Variants in MYH9 observed in about 807,000 individuals in gnomAD.
The protein encoded by MYH9 is myosin heavy chain 9.
Under a neutral mutation model 241.9 loss-of-function variants are expected in MYH9, and 29 were observed. The ratio of observed to expected loss-of-function variants is 0.12; its 90% CI spans 0.09 to 0.16. The LOEUF (loss-of-function observed/expected upper bound fraction) is 0.16, where lower values mean the gene tolerates loss of function less well. Among genes scored for constraint, MYH9 ranks in the 10% least tolerant of loss-of-function variants. The pLI is 1.00. For missense variants in MYH9, 1,803 were observed against 2,595.5 expected (o/e 0.69, Z 6.63); for synonymous variants, 1,047 against 1,062.6 (o/e 0.99, Z 0.29).
chr22:36,383,097 T>G (rs571890090), intron 1 of MYH9, among the ~76,000 whole-genome samples: 113 of 151,892 alleles, frequency 7.4e-4, no homozygotes, highest in African/African-American at 2.7e-3. Flanking sequence ...AGTGTGCACT[T>G]GTAATCCTGG....
At chr22:36,323,380 A>T (rs1313925339) in intron 5 of MYH9, among the ~76,000 whole-genome samples, 1 of 152,244 alleles carries the variant, frequency 6.6e-6, no homozygotes, top group Non-Finnish European at 1.5e-5. Flanking sequence ...CAACAGGCCC[A>T]TGCCACCAGG....
Position 36,288,244 on chromosome 22 carries a change from A to C in MYH9, c.4932+8T>G, listed in dbSNP as rs1433500310. 1 of 1,612,220 alleles carries C rather than the reference A, an allele frequency of 6.2e-7. No individual in the cohort carries two copies. The highest frequency in any genetic ancestry group is 1.1e-5 in the South Asian group (1 of 91,042). On this transcript the variant is annotated splice_region_variant and intron_variant, in intron 34 of 40. Coordinates refer to ENST00000216181, the MANE Select transcript of MYH9 (RefSeq NM_002473.6). The surrounding 1 kb of genome is among the most constrained non-coding windows in gnomAD (Gnocchi z 4.8). ...GCCCACCCTCACCTGGGCCCCGCCC[A>C]CCCTTACCTGCAGCTTCCGCAGCTG...
At chr22:36,383,179 TACTGC>T (rs930412731) in intron 1 of MYH9, among the ~76,000 whole-genome samples, 1 of 151,880 alleles carries the variant, frequency 6.6e-6, no homozygotes, top group African/African-American at 2.4e-5. Context: ...ATGATCATGC[TACTGC>T]ACTATAGCCT....
intron 35 of MYH9, 73 bp downstream of exon 35, chr22:36,286,645 C>T (rs561110011): frequency 1.3e-5 from 21 of 1,600,398 alleles, no homozygotes; most frequent in Admixed American, 1.7e-5. Context: ...GCCCTGTCCT[C>T]AGCTGAAAGC....
chr22:36,357,311 G>A (rs144951284), intron 1 of MYH9, among the ~76,000 whole-genome samples: 23 of 152,282 alleles, frequency 1.5e-4, no homozygotes, highest in African/African-American at 4.6e-4. Flanking sequence ...AAGGTATCCC[G>A]GGCCGAGGGA....
intron 1 of MYH9, among the ~76,000 whole-genome samples, chr22:36,354,711 T>C (rs2017824287): frequency 6.6e-6 from 1 of 152,042 alleles, no homozygotes; most frequent in Non-Finnish European, 1.5e-5. Context: ...CCCAAAGTGC[T>C]GGGCTTACAG....
At chr22:36,319,696 G>T in intron 9 of MYH9, 61 bp from the exon 10 acceptor site, 1 of 1,513,296 alleles carries the variant, frequency 6.6e-7, no homozygotes, top group East Asian at 2.3e-5. Context: ...TCCCGGGGGT[G>T]GGGGCCACTC....
rs762211753 is a variant in MYH9 at position 36,326,655 on chromosome 22, T to C, written c.525A>G (p.Glu175=). The change falls in exon 5 of 41, where the codon GAA becomes GAG. Residue 175 remains glutamate, a synonymous_variant. Transcript: ENST00000216181. ...TGTTCTCCGTCTTGCCAGCTCCAGA[T>C]TCACCACTACCAAGAGAGGCAAGGA... ...REDQSILCTG[E]SGAGKTENTK... is the part of the protein sequence containing the mutation. 2.5e-6 allele frequency: 4 copies of C among 1,614,024 alleles called. No homozygotes were observed. Among genetic ancestry groups the C allele is most frequent in the Non-Finnish European group, 2.5e-6 (3 of 1,179,980 alleles).
At chr22:36,282,953 G>C (rs2016517221) in intron 40 of MYH9, among the ~76,000 whole-genome samples, 168 bp from the exon 41 acceptor site, 1 of 152,202 alleles carries the variant, frequency 6.6e-6, no homozygotes, top group African/African-American at 2.4e-5. Context: ...GAGCTAGACA[G>C]GACCACTCTC....
At chr22:36,299,980 G>A (rs1394529626) in intron 23 of MYH9, 147 bp downstream of exon 23, 4 of 1,141,146 alleles carry the variant, frequency 3.5e-6, no homozygotes, top group Non-Finnish European at 5.2e-6. Flanking sequence ...CCTCCAGGGA[G>A]CACTTGCAGT....
In MYH9 at chr22:36,293,676, G is replaced by T; in HGVS notation, c.3942+83C>A. The T allele has an allele frequency of 7.2e-7, 1 of 1,382,818 alleles. No individual in the cohort carries two copies. Among genetic ancestry groups the T allele is most frequent in the African/African-American group, 1.4e-5 (1 of 70,464 alleles). The allele number at this position is 1,382,818 out of a possible 1,614,324, so 85.7% of individuals were successfully genotyped here. ...AGATGAAGGAGAGGATGGGCAATCC[G>T]ATGGGCTCTGAAGCTAATGTTGCGT... On this transcript the variant is annotated intron_variant, in intron 29 of 40. Transcript: ENST00000216181. This position sits in a 1 kb window ranked among gnomAD's most constrained non-coding sequence, Gnocchi z 5.1.
intron 1 of MYH9, among the ~76,000 whole-genome samples, chr22:36,383,775 T>G (rs190662316): frequency 0.021 from 3,210 of 150,756 alleles, 64 homozygotes; most frequent in Non-Finnish European, 0.033. Context: ...CTGGCCAACA[T>G]AGTGAAACCC....
intron 5 of MYH9, among the ~76,000 whole-genome samples, chr22:36,326,309 T>A (rs1476972635): frequency 6.6e-6 from 1 of 152,240 alleles, no homozygotes; most frequent in Non-Finnish European, 1.5e-5. Flanking sequence ...CCAAGAGGGC[T>A]GCCATGCAAA....
At chr22:36,313,761 C>T (rs964869545) in intron 13 of MYH9, among the ~76,000 whole-genome samples, 2 of 152,106 alleles carry the variant, frequency 1.3e-5, no homozygotes, top group African/African-American at 2.4e-5. Context: ...GAAAGCAGCC[C>T]GCGATAGGGC....
intron 1 of MYH9, among the ~76,000 whole-genome samples, chr22:36,378,417 C>T (rs944172015): frequency 6.6e-6 from 1 of 152,190 alleles, no homozygotes; most frequent in Non-Finnish European, 1.5e-5. Flanking sequence ...GGGTCTGCTC[C>T]TAGCTCTGCC....
intron 19 of MYH9, among the ~76,000 whole-genome samples, chr22:36,302,937 G>A (rs1361193627): frequency 6.6e-6 from 1 of 152,188 alleles, no homozygotes; most frequent in Non-Finnish European, 1.5e-5. Flanking sequence ...GCCCATGGGG[G>A]TGAAGGCACG....
At chr22:36,283,106 G>C (rs2016519763) in intron 40 of MYH9, among the ~76,000 whole-genome samples, 1 of 152,218 alleles carries the variant, frequency 6.6e-6, no homozygotes, top group Non-Finnish European at 1.5e-5. Flanking sequence ...ATCCTCTGTT[G>C]CAACTCCTAT....
In MYH9 at chr22:36,312,002, C is replaced by A. The variant is rs201272453; in HGVS notation, c.1728+47G>T. 1,159 of 1,602,252 alleles carry A rather than the reference C, an allele frequency of 7.2e-4. 16 individuals are homozygous for A. In the Admixed American group the frequency reaches 0.019, roughly 26 times the overall value. ...TGGTCCTAGAGAGCCTCGACTCCACCTCTCCTGTGAAGATCTGGCCAGCAC... is the reference window on the plus strand; with the variant it reads ...TGGTCCTAGAGAGCCTCGACTCCACATCTCCTGTGAAGATCTGGCCAGCAC... On this transcript the variant is annotated intron_variant, in intron 14 of 40. Coordinates refer to ENST00000216181, the MANE Select transcript of MYH9 (RefSeq NM_002473.6).
intron 1 of MYH9, among the ~76,000 whole-genome samples, chr22:36,354,948 A>AC (rs2017829680): frequency 1.2e-5 from 1 of 84,058 alleles, no homozygotes; most frequent in East Asian, 2.6e-4. Context: ...CAAAAAAACA[A>AC]AAAACAAAAC....
Sources: gnomAD v4.1 joint callset for allele counts (sites outside exome capture counted in the v4.1 genomes callset) on GRCh38, gnomAD v4.1.1 for gene constraint, Gnocchi (gnomAD v3.1) non-coding constraint, MANE v1.5 for transcripts, NCBI Gene and HGNC (gene_info 2026-07-23, HGNC 2026-07-21) for gene names.